The following AHCYL2 variants were observed in gnomAD, a reference collection of about 807,000 sequenced individuals.
AHCYL2 encodes the protein S-adenosylhomocysteine hydrolase-like protein 2.
In AHCYL2, 28 loss-of-function variants were observed where a neutral mutation model predicts 81.4. The observed-to-expected ratio is 0.34, with a 90% CI of 0.25 to 0.47. The LOEUF (loss-of-function observed/expected upper bound fraction) is 0.47. AHCYL2 is among the 20% of genes least tolerant of loss of function. AHCYL2 has a pLI of 1.00. For missense variants in AHCYL2, 551 were observed against 785.1 expected (o/e 0.70, Z 3.56); for synonymous variants, 272 against 290.2 (o/e 0.94, Z 0.64).
At chr7:129,410,084 A>G (rs1250737262) in intron 11 of AHCYL2, 15 of 1,387,024 alleles carry the variant, frequency 1.1e-5, no homozygotes, top group Non-Finnish European at 1.5e-5. Flanking sequence ...ATTCCATTCC[A>G]GCGCTCTGGC....
chr7:129,406,544 T>A lies in AHCYL2; in HGVS notation c.1295+78T>A. 7.2e-7 allele frequency: 1 copy of A among 1,380,290 alleles called. No individual in the cohort carries two copies. The highest frequency in any genetic ancestry group is 1.0e-6 in the Non-Finnish European group (1 of 967,886). 85.5% of individuals were successfully genotyped at this position (1,380,290 alleles called of 1,614,324 possible). On this transcript the variant is annotated intron_variant, in intron 10 of 16. Transcript: ENST00000325006. The surrounding 1 kb of genome is among the most constrained non-coding windows in gnomAD (Gnocchi z 4.3). ...ATGGCCTGGTTGATGCCACACTTTA[T>A]TTTAGAGGAGCCCAGATCCTCAGAG...
intron 1 of AHCYL2, among the ~76,000 whole-genome samples, chr7:129,358,285 G>A (rs1012329506): frequency 2.0e-5 from 3 of 151,886 alleles, no homozygotes; most frequent in Non-Finnish European, 2.9e-5. Context: ...CCAGCTACTC[G>A]GGAGGCTGAG....
At position 129,239,430 on chromosome 7, in the gene AHCYL2, A is replaced by AT. The variant is rs780374168; in HGVS notation, c.363+14007dup. 3.3e-3 allele frequency among the ~76,000 whole-genome samples: 467 copies of AT among 141,902 alleles called. 1 individual carries two copies. Among genetic ancestry groups the AT allele is most frequent in the African/African-American group, 6.4e-3 (250 of 38,760 alleles). The allele number at this position is 141,902 out of a possible 152,430, so 93.1% of individuals were successfully genotyped here. On this transcript the variant is annotated intron_variant, in intron 1 of 16. Transcript: ENST00000325006. Reference sequence around the variant, plus strand: ...CATTTCATGTTTCTCATTTTTATTAATTTTTTTTTTTTTTTTAGAGATGGG... The same window carrying AT: ...CATTTCATGTTTCTCATTTTTATTAATTTTTTTTTTTTTTTTTAGAGATGGG...
chr7:129,413,910 C>A (rs1489613861), intron 12 of AHCYL2, among the ~76,000 whole-genome samples: 1 of 152,194 alleles, frequency 6.6e-6, no homozygotes, highest in Admixed American at 6.5e-5. Context: ...TCTATTCAAG[C>A]TCGATGCCTG....
intron 1 of AHCYL2, among the ~76,000 whole-genome samples, chr7:129,354,058 A>G (rs1403413955): frequency 6.6e-6 from 1 of 152,188 alleles, no homozygotes; most frequent in African/African-American, 2.4e-5. Context: ...ATTTCAGTGG[A>G]TTGGCAAGAC....
chr7:129,315,437 G>T (rs1379369127), intron 1 of AHCYL2, among the ~76,000 whole-genome samples: 1 of 152,072 alleles, frequency 6.6e-6, no homozygotes, highest in African/African-American at 2.4e-5. Context: ...CATCCCACAT[G>T]TTCAGCACTC....
intron 1 of AHCYL2, among the ~76,000 whole-genome samples, chr7:129,263,457 A>G (rs1480202495): frequency 6.6e-6 from 1 of 152,254 alleles, no homozygotes; most frequent in East Asian, 1.9e-4. Flanking sequence ...TTTTTGAATA[A>G]TAATGGCATC....
chr7:129,397,883 T>C (rs1430122871), intron 5 of AHCYL2, among the ~76,000 whole-genome samples: 1 of 152,278 alleles, frequency 6.6e-6, no homozygotes, highest in Non-Finnish European at 1.5e-5. Flanking sequence ...TCATTTGTTC[T>C]TTCATTTTAA....
rs993048261 is a variant in AHCYL2 at position 129,395,736 on chromosome 7, C to T, written c.721-1486C>T. Among the ~76,000 whole-genome samples, 4 of 151,774 alleles carry T rather than the reference C, an allele frequency of 2.6e-5. No homozygotes were observed. In the East Asian group the frequency reaches 7.8e-4, roughly 30 times the overall value. The stretch of plus-strand genomic sequence containing the variant: ...GTTTCTGAGCACAGCCAATCAGCTC[C>T]CTGCCCCAGTCTTTGTTTTGAGCAC... On this transcript the variant is annotated intron_variant, in intron 4 of 16. Coordinates refer to ENST00000325006, the MANE Select transcript of AHCYL2 (RefSeq NM_015328.4).
Position 129,401,945 on chromosome 7 carries a change from C to T in AHCYL2, c.919-1434C>T, listed in dbSNP as rs192667351. On this transcript the variant is annotated intron_variant, in intron 6 of 16. Coordinates refer to ENST00000325006, the MANE Select transcript of AHCYL2 (RefSeq NM_015328.4). ...TTTAGTACTTCTCCTTGCTTCCCAA[C>T]CTCTGGAAGATTTCCTGATGACAAT... is the stretch of plus-strand genomic sequence containing the variant. Among the ~76,000 whole-genome samples, 3 of 152,296 alleles carry T rather than the reference C, an allele frequency of 2.0e-5. No individual in the cohort carries two copies. The East Asian group carries it at 5.8e-4, about 29-fold the overall frequency.
chr7:129,288,800 G>T (rs1410623062), intron 1 of AHCYL2, among the ~76,000 whole-genome samples: 1 of 151,846 alleles, frequency 6.6e-6, no homozygotes, highest in African/African-American at 2.4e-5. Flanking sequence ...ACAAGGCCTT[G>T]TTCTGTCACC....
intron 12 of AHCYL2, among the ~76,000 whole-genome samples, chr7:129,414,569 C>A (rs1387943119): frequency 6.6e-6 from 1 of 151,876 alleles, no homozygotes; most frequent in African/African-American, 2.4e-5. Flanking sequence ...TACAGGTGCT[C>A]GCTACCATGC....
At chr7:129,301,717 T>C (rs1255750085) in intron 1 of AHCYL2, among the ~76,000 whole-genome samples, 2 of 152,256 alleles carry the variant, frequency 1.3e-5, no homozygotes, top group African/African-American at 4.8e-5. Context: ...TCCATTGGTC[T>C]ATGTGTCTGT....
At position 129,419,865 on chromosome 7, in the gene AHCYL2, TC is replaced by T. The variant is rs1797032663; in HGVS notation, c.1462-2972del. Among the ~76,000 whole-genome samples the T allele has an allele frequency of 6.6e-6, 1 of 152,182 alleles. No individual in the cohort carries two copies. Among genetic ancestry groups the T allele is most frequent in the Admixed American group, 6.5e-5 (1 of 15,278 alleles). On this transcript the variant is annotated intron_variant, in intron 12 of 16. Coordinates refer to ENST00000325006, the MANE Select transcript of AHCYL2 (RefSeq NM_015328.4). The surrounding 1 kb of genome is among the most constrained non-coding windows in gnomAD (Gnocchi z 4.7). ...TTTGGGAAGGTAGTCTGCACAGGAATCCCTTTTCCCGGTAGGTTGTTTAGTG... is the reference window on the plus strand; with the variant it reads ...TTTGGGAAGGTAGTCTGCACAGGAATCCTTTTCCCGGTAGGTTGTTTAGTG...
intron 1 of AHCYL2, among the ~76,000 whole-genome samples, chr7:129,345,166 A>G (rs1010340070): frequency 6.6e-5 from 10 of 152,170 alleles, no homozygotes; most frequent in Non-Finnish European, 1.3e-4. Context: ...TTCTGCCTTC[A>G]GTGGGAGAGG....
chr7:129,328,687 T>C (rs995968901), intron 1 of AHCYL2, among the ~76,000 whole-genome samples: 1 of 152,130 alleles, frequency 6.6e-6, no homozygotes, highest in Non-Finnish European at 1.5e-5. Context: ...GGTTTCACCA[T>C]GTTGGCCAGG....
intron 12 of AHCYL2, among the ~76,000 whole-genome samples, chr7:129,420,513 G>GT (rs1797064215): frequency 8.1e-6 from 1 of 123,416 alleles, no homozygotes; most frequent in African/African-American, 3.1e-5. Flanking sequence ...AGATCTCACT[G>GT]TTACCACCCA....
At chr7:129,303,622 T>G (rs1797325822) in intron 1 of AHCYL2, among the ~76,000 whole-genome samples, 1 of 152,218 alleles carries the variant, frequency 6.6e-6, no homozygotes. Context: ...GTTGATATTT[T>G]GTATTGTTTT....
At chr7:129,414,028 A>T (rs1400179725) in intron 12 of AHCYL2, among the ~76,000 whole-genome samples, 1 of 152,254 alleles carries the variant, frequency 6.6e-6, no homozygotes, top group Non-Finnish European at 1.5e-5. Flanking sequence ...AATGTGAATC[A>T]GTATGGTAGT....
Sources: gnomAD v4.1 joint callset for allele counts (sites outside exome capture counted in the v4.1 genomes callset) on GRCh38, gnomAD v4.1.1 for gene constraint, Gnocchi (gnomAD v3.1) non-coding constraint, MANE v1.5 for transcripts, NCBI Gene and HGNC (gene_info 2026-07-23, HGNC 2026-07-21) for gene names.